The following NSD3 variants were observed in gnomAD, a reference collection of about 807,000 sequenced individuals.
The protein encoded by NSD3 is histone-lysine N-methyltransferase NSD3.
A neutral mutation model predicts 160.8 loss-of-function variants in NSD3; 24 were observed. The ratio of observed to expected loss-of-function variants is 0.15; its 90% CI spans 0.11 to 0.21. The LOEUF is 0.21. Ranked by LOEUF, NSD3 falls within the 10% of genes least tolerant of loss-of-function variation. NSD3 has a pLI of 1.00. For missense variants in NSD3, 1,157 were observed against 1,735.9 expected (o/e 0.67, Z 5.93); for synonymous variants, 520 against 600.0 (o/e 0.87, Z 1.95).
At position 38,270,927 on chromosome 8, in the gene NSD3, A is replaced by G. The variant is rs896514747; in HGVS notation, c.*4714T>C. 1.1e-4 allele frequency: 16 copies of G among 152,232 alleles called. No homozygotes were observed. The highest frequency in any genetic ancestry group is 3.9e-4 in the African/African-American group (16 of 41,464). 9.4% of individuals were successfully genotyped at this position (152,232 alleles called of 1,614,324 possible). A position where few individuals can be genotyped will look rare whatever the true frequency, so the allele number is the denominator to read the frequency against. On this transcript the variant is annotated 3_prime_UTR_variant, in exon 24 of 24. Transcript: ENST00000317025. Reference sequence around the variant, plus strand: ...TGGACTGACCAAAACAAAACAAAAAACAGAAATGTTTTTTGAAAGACACGG... The same window carrying G: ...TGGACTGACCAAAACAAAACAAAAAGCAGAAATGTTTTTTGAAAGACACGG...
chr8:38,291,623 T>C lies in NSD3; in HGVS notation c.2916-946A>G, dbSNP rs534544627. On this transcript the variant is annotated intron_variant, in intron 16 of 23. Coordinates refer to ENST00000317025, the MANE Select transcript of NSD3 (RefSeq NM_023034.2). ...AATTGAAAACATGGGTAAGAATCCA[T>C]GCGCAAATTGTAAACAAAACAAAAA... 2.0e-5 allele frequency among the ~76,000 whole-genome samples: 3 copies of C among 152,350 alleles called. No homozygotes were observed. The South Asian group carries it at 6.2e-4, about 32-fold the overall frequency.
At position 38,316,582 on chromosome 8, in the gene NSD3, T is replaced by C; in HGVS notation, c.1856-540A>G. On this transcript the variant is annotated intron_variant, in intron 9 of 23. Coordinates refer to ENST00000317025, the MANE Select transcript of NSD3 (RefSeq NM_023034.2). This position sits in a 1 kb window ranked among gnomAD's most constrained non-coding sequence, Gnocchi z 4.5. Reference sequence around the variant, plus strand: ...ATAAAATTTGGATGTTCATAATTGTTCATCTGAGACTTCCTTGGTGAAGTG... The same window carrying C: ...ATAAAATTTGGATGTTCATAATTGTCCATCTGAGACTTCCTTGGTGAAGTG... 9.5e-7 allele frequency: 1 copy of C among 1,051,334 alleles called. No homozygotes were observed. The highest frequency in any genetic ancestry group is 1.1e-6 in the Non-Finnish European group (1 of 870,492). The allele number at this position is 1,051,334 out of a possible 1,614,324, so 65.1% of individuals were successfully genotyped here.
chr8:38,381,697 C>T (rs1811571488), intron 1 of NSD3, 102 bp downstream of exon 1: 1 of 153,660 alleles, frequency 6.5e-6, no homozygotes, highest in Non-Finnish European at 1.4e-5. Context: ...TCGCCCCCTC[C>T]CCGTCGTTCC....
At position 38,272,076 on chromosome 8, in the gene NSD3, G is replaced by C. The variant is rs1808495480; in HGVS notation, c.*3565C>G. The C allele has an allele frequency of 6.6e-6, 1 of 152,154 alleles. No homozygotes were observed. Among genetic ancestry groups the C allele is most frequent in the South Asian group, 2.1e-4 (1 of 4,832 alleles). The allele number at this position is 152,154 out of a possible 1,614,324, so 9.4% of individuals were successfully genotyped here. On this transcript the variant is annotated 3_prime_UTR_variant, in exon 24 of 24. Transcript: ENST00000317025. ...CATGAACCAGGAAAGTTGTCCAATA[G>C]CCTGTCCCATCTGAGGGTCCTTTAC...
At chr8:38,366,704 G>A (rs1335726049) in intron 1 of NSD3, among the ~76,000 whole-genome samples, 1 of 151,998 alleles carries the variant, frequency 6.6e-6, no homozygotes, top group Non-Finnish European at 1.5e-5. Flanking sequence ...GAGCCAACGT[G>A]CCCAGCCTAT....
intron 12 of NSD3, among the ~76,000 whole-genome samples, chr8:38,305,869 T>A (rs1809380693): frequency 1.3e-5 from 2 of 152,048 alleles, no homozygotes; most frequent in African/African-American, 4.8e-5. Flanking sequence ...AAAAGAAAAT[T>A]ACAGCTAGAC....
At chr8:38,379,013 A>G (rs1222743571) in intron 1 of NSD3, among the ~76,000 whole-genome samples, 2 of 152,142 alleles carry the variant, frequency 1.3e-5, no homozygotes, top group Non-Finnish European at 2.9e-5. Flanking sequence ...TCACTCAACA[A>G]TCACCAATCT....
rs1449647927 is a variant in NSD3, at chr8:38,316,969, C to T, written c.1856-927G>A. 39 of 1,060,100 alleles carry T rather than the reference C, an allele frequency of 3.7e-5. No individual in the cohort carries two copies. Among genetic ancestry groups the T allele is most frequent in the Admixed American group, 1.6e-4 (3 of 18,516 alleles). 65.7% of individuals were successfully genotyped at this position (1,060,100 alleles called of 1,614,324 possible). A position where few individuals can be genotyped will look rare whatever the true frequency, so the allele number is the denominator to read the frequency against. On this transcript the variant is annotated intron_variant, in intron 9 of 23. Coordinates refer to ENST00000317025, the MANE Select transcript of NSD3 (RefSeq NM_023034.2). This position sits in a 1 kb window ranked among gnomAD's most constrained non-coding sequence, Gnocchi z 4.5. ...GGTGAATACCAAGGAACCAAGGAGA[C>T]GGTTAATATTTCAACCCACAGTTTG...
chr8:38,279,812 G>A (rs1808689594), intron 20 of NSD3, 131 bp from the exon 21 acceptor site: 1 of 965,940 alleles, frequency 1.0e-6, no homozygotes, highest in Non-Finnish European at 1.5e-6. Context: ...ATCAGGAAAT[G>A]TGAGGCTGCC....
At position 38,299,484 on chromosome 8, in the gene NSD3, C is replaced by T; in HGVS notation, c.2718G>A (p.Met906Ile). The change falls in exon 15 of 24, where the codon ATG (methionine) becomes ATA (isoleucine). Residue 906 changes from methionine to isoleucine, a missense_variant. Transcript: ENST00000317025. ...SNRAELMKLPMIPSSSASKKK... is the reference protein window; with the variant it reads ...SNRAELMKLPIIPSSSASKKK... ...TTTTGGAAGCTGACGAAGAAGGAAT[C>T]ATAGGTAATTTCATCAACTCAGCAC... 2.5e-6 allele frequency: 4 copies of T among 1,613,746 alleles called. No homozygotes were observed. Among genetic ancestry groups the T allele is most frequent in the Non-Finnish European group, 3.4e-6 (4 of 1,179,854 alleles).
chr8:38,370,048 C>A (rs1811204951), intron 1 of NSD3, among the ~76,000 whole-genome samples: 1 of 152,198 alleles, frequency 6.6e-6, no homozygotes. Context: ...CCCACCTCGG[C>A]CTCCCAAAGT....
At chr8:38,370,550 T>G (rs1041799247) in intron 1 of NSD3, among the ~76,000 whole-genome samples, 1 of 152,176 alleles carries the variant, frequency 6.6e-6, no homozygotes, top group Non-Finnish European at 1.5e-5. Flanking sequence ...TGAAGGACTT[T>G]CTAAAATCTC....
At chr8:38,307,664 G>A (rs540212610) in intron 12 of NSD3, among the ~76,000 whole-genome samples, 56 of 152,130 alleles carry the variant, frequency 3.7e-4, no homozygotes, top group Admixed American at 1.0e-3. Flanking sequence ...AGCTCCGACA[G>A]AACAATGGTA....
In NSD3 at chr8:38,279,565, T is replaced by G. The variant is rs180689072; in HGVS notation, c.3735A>C (p.Leu1245=). The change falls in exon 21 of 24, where the codon CTA becomes CTC. Residue 1245 remains leucine, a synonymous_variant. Coordinates refer to ENST00000317025, the MANE Select transcript of NSD3 (RefSeq NM_023034.2). The part of the protein sequence containing the change: ...WTVNGDVRVG[L]FALCDIPAGM... ...CTGCAGGAATATCACAGAGAGCAAA[T>G]AGTCCCACTCGAACATCTCCATTCA... 3 of 1,613,974 alleles carry G rather than the reference T, an allele frequency of 1.9e-6. No individual in the cohort carries two copies. The highest frequency in any genetic ancestry group is 1.7e-5 in the Admixed American group (1 of 60,002).
At chr8:38,320,043 A>G (rs1454407877) in intron 8 of NSD3, 1 of 152,180 alleles carries the variant, frequency 6.6e-6, no homozygotes, top group Non-Finnish European at 1.5e-5. Flanking sequence ...AAGAGCTTAG[A>G]AAGATTTTTT....
chr8:38,309,378 G>GA (rs1165286008), intron 12 of NSD3, among the ~76,000 whole-genome samples: 1 of 152,188 alleles, frequency 6.6e-6, no homozygotes, highest in African/African-American at 2.4e-5. Flanking sequence ...TGAGGCACAA[G>GA]AATCACTTGA....
Position 38,275,791 on chromosome 8 carries a change from A to G in NSD3, c.4164T>C (p.Asp1388=). 6.2e-7 allele frequency: 1 copy of G among 1,614,174 alleles called. No homozygotes were observed. Among genetic ancestry groups the G allele is most frequent in the Non-Finnish European group, 8.5e-7 (1 of 1,180,028 alleles). ...AGGGAACCAGGGCCCCCTTTTCATG[A>G]TCTTTACAAAATGAATGTGGACAGA... ...CEFCPHSFCK[D]HEKGALVPSA... The change falls in exon 24 of 24, where the codon GAT becomes GAC. Residue 1388 remains aspartate (D), a synonymous_variant. Coordinates refer to ENST00000317025, the MANE Select transcript of NSD3 (RefSeq NM_023034.2).
At chr8:38,344,738 G>C (rs1810471397) in intron 2 of NSD3, among the ~76,000 whole-genome samples, 1 of 152,050 alleles carries the variant, frequency 6.6e-6, no homozygotes, top group African/African-American at 2.4e-5. Flanking sequence ...TTTTCTCCAG[G>C]AATACATTTT....
chr8:38,377,076 G>A (rs886607080), intron 1 of NSD3, among the ~76,000 whole-genome samples: 1 of 152,018 alleles, frequency 6.6e-6, no homozygotes, highest in Non-Finnish European at 1.5e-5. Flanking sequence ...TTTTTGAGAC[G>A]GAGTCTCGCT....
Sources: gnomAD v4.1 joint callset for allele counts (sites outside exome capture counted in the v4.1 genomes callset) on GRCh38, gnomAD v4.1.1 for gene constraint, Gnocchi (gnomAD v3.1) non-coding constraint, MANE v1.5 for transcripts, NCBI Gene and HGNC (gene_info 2026-07-23, HGNC 2026-07-21) for gene names.